RBM19: variants seen among roughly 807,000 people sequenced by gnomAD.
RBM19 encodes RNA binding motif protein 19.
In RBM19, 94 loss-of-function variants were observed where a neutral mutation model predicts 116.8. The ratio of observed to expected loss-of-function variants is 0.80; its 90% CI spans 0.68 to 0.95. The LOEUF is 0.95. Ranked by LOEUF, RBM19 falls within the 40% of genes least tolerant of loss-of-function variation. The pLI is 0.00. For synonymous variants in RBM19, 475 were observed against 494.1 expected (o/e 0.96, Z 0.51); for missense variants, 1,161 against 1,220.7 (o/e 0.95, Z 0.73).
rs115806853 is a variant in RBM19 at position 113,864,623 on chromosome 12, A to G, written c.2559-5727T>C. Among the ~76,000 whole-genome samples, 714 of 152,372 alleles carry G rather than the reference A, an allele frequency of 4.7e-3. 3 individuals are homozygous for G. The highest frequency in any genetic ancestry group is 0.016 in the African/African-American group (649 of 41,596). Reference sequence around the variant, plus strand: ...GTGGCCAAGGGCCCCAGTTGTGGCAAGTTGGAGAGATAGACCAACTGCACA... The same window carrying G: ...GTGGCCAAGGGCCCCAGTTGTGGCAGGTTGGAGAGATAGACCAACTGCACA... On this transcript the variant is annotated intron_variant, in intron 21 of 23. Coordinates refer to ENST00000261741, the MANE Select transcript of RBM19 (RefSeq NM_016196.4).
chr12:113,914,564 G>A (rs1441582560), intron 21 of RBM19, among the ~76,000 whole-genome samples: 4 of 152,244 alleles, frequency 2.6e-5, no homozygotes, highest in African/African-American at 9.6e-5. Context: ...ATTGCCAGGT[G>A]GCTGGAATGT....
rs1417772064 is a variant in RBM19, at chr12:113,915,009, G to A, written c.2518C>T (p.Pro840Ser). 1.2e-6 allele frequency: 2 copies of A among 1,614,206 alleles called. No homozygotes were observed. The highest frequency in any genetic ancestry group is 1.7e-6 in the Non-Finnish European group (2 of 1,180,030). Residue 840 changes from proline (P) to serine (S), a missense_variant, in exon 21 of 24, where the codon CCC becomes TCC. Transcript: ENST00000261741. Reference protein sequence around the residue: ...TTSKILVRNIPFQAHSREIRE... With the variant: ...TTSKILVRNISFQAHSREIRE... ...ATCTCCCGGCTGTGGGCCTGGAAGG[G>A]GATGTTCCGCACCAGGATCTTGGAG...
chr12:113,878,632 G>GACACACACACAC (rs55868508), intron 21 of RBM19, among the ~76,000 whole-genome samples: 119 of 137,898 alleles, frequency 8.6e-4, no homozygotes, highest in East Asian at 3.4e-3. Context: ...CATTCTCCCT[G>GACACACACACAC]ACACACACAC....
At chr12:113,895,006 C>G (rs1259840289) in intron 21 of RBM19, among the ~76,000 whole-genome samples, 1 of 152,244 alleles carries the variant, frequency 6.6e-6, no homozygotes, top group Non-Finnish European at 1.5e-5. Flanking sequence ...ATGAGAACCA[C>G]TTAGGCCAGC....
intron 21 of RBM19, among the ~76,000 whole-genome samples, chr12:113,886,469 G>A (rs982320148): frequency 1.6e-4 from 24 of 152,086 alleles, no homozygotes; most frequent in African/African-American, 5.6e-4. Flanking sequence ...ACCCAGGCCC[G>A]TTAAGATAGA....
intron 12 of RBM19, 98 bp downstream of exon 12, chr12:113,946,256 C>T (rs981713022): frequency 1.3e-6 from 2 of 1,535,342 alleles, no homozygotes; most frequent in East Asian, 2.3e-5. Flanking sequence ...TGAACTAAAC[C>T]CATCAGGAGT....
intron 8 of RBM19, 115 bp downstream of exon 8, chr12:113,952,397 A>G: frequency 1.1e-6 from 1 of 918,454 alleles, no homozygotes; most frequent in Non-Finnish European, 1.7e-6. Context: ...ACAACTGAGG[A>G]CCACAAACAG....
intron 7 of RBM19, among the ~76,000 whole-genome samples, chr12:113,953,004 T>C (rs1031660486): frequency 6.6e-6 from 1 of 152,238 alleles, no homozygotes; most frequent in African/African-American, 2.4e-5. Flanking sequence ...CATGTGATTT[T>C]CTGAATGGTT....
intron 21 of RBM19, among the ~76,000 whole-genome samples, chr12:113,864,613 A>G (rs1180753267): frequency 6.6e-6 from 1 of 152,232 alleles, no homozygotes; most frequent in Non-Finnish European, 1.5e-5. Context: ...CAAGGGCCCC[A>G]GTTGTGGCAA....
intron 21 of RBM19, among the ~76,000 whole-genome samples, chr12:113,859,445 A>G (rs1014584948): frequency 9.9e-5 from 15 of 152,134 alleles, no homozygotes; most frequent in African/African-American, 4.8e-5. Flanking sequence ...TCAGCGCTCA[A>G]ATGATACGCA....
intron 6 of RBM19, among the ~76,000 whole-genome samples, chr12:113,956,288 T>C (rs144073459): frequency 6.6e-6 from 1 of 152,096 alleles, no homozygotes; most frequent in African/African-American, 2.4e-5. Context: ...CATTTGAAAA[T>C]ACAGGGCTGG....
chr12:113,832,507 A>G (rs1015898945), intron 23 of RBM19, among the ~76,000 whole-genome samples: 4 of 152,162 alleles, frequency 2.6e-5, no homozygotes, highest in Non-Finnish European at 5.9e-5. Flanking sequence ...GATCATTTCA[A>G]AGAGGTCAGG....
intron 21 of RBM19, among the ~76,000 whole-genome samples, chr12:113,869,994 C>T (rs1365552010): frequency 3.9e-5 from 6 of 152,196 alleles, no homozygotes; most frequent in African/African-American, 1.4e-4. Context: ...TCCACGTCAA[C>T]ACCAAATCTA....
downstream of RBM19, chr12:113,821,978 T>C (rs1874447541): frequency 6.6e-6 from 1 of 152,218 alleles, no homozygotes; most frequent in Admixed American, 6.5e-5. Context: ...CCATGTTTTA[T>C]GCACAGAGTC....
chr12:113,848,567 A>G (rs996117967), intron 22 of RBM19, among the ~76,000 whole-genome samples: 1 of 152,156 alleles, frequency 6.6e-6, no homozygotes, highest in Admixed American at 6.5e-5. Flanking sequence ...AGGAGGAGGA[A>G]GATGCAGGCC....
At chr12:113,896,375 G>C (rs573291207) in intron 21 of RBM19, among the ~76,000 whole-genome samples, 9 of 152,302 alleles carry the variant, frequency 5.9e-5, no homozygotes, top group African/African-American at 1.9e-4. Context: ...TTCTGGGCTC[G>C]GGGGCATGTC....
rs1429903998 is a variant in RBM19 at position 113,898,258 on chromosome 12, TTTTA to T, written c.2558+16707_2558+16710del. Among the ~76,000 whole-genome samples, 18 of 152,164 alleles carry T rather than the reference TTTTA, an allele frequency of 1.2e-4. No homozygotes were observed. The highest frequency in any genetic ancestry group is 3.4e-4 in the African/African-American group (14 of 41,418). On this transcript the variant is annotated intron_variant, in intron 21 of 23. Coordinates refer to ENST00000261741, the MANE Select transcript of RBM19 (RefSeq NM_016196.4). The surrounding 1 kb of genome is among the most constrained non-coding windows in gnomAD (Gnocchi z 4.3). ...GTAGGACAATTTCAGGTTTTTCTGT[TTTTA>T]TTTAGACAGTCTAATTTTTAATACG...
intron 21 of RBM19, among the ~76,000 whole-genome samples, chr12:113,905,629 G>C (rs976178246): frequency 1.3e-5 from 2 of 152,102 alleles, no homozygotes; most frequent in African/African-American, 2.4e-5. Flanking sequence ...AAGAGCCTCT[G>C]TTCATCAAAG....
intron 18 of RBM19, among the ~76,000 whole-genome samples, chr12:113,923,038 G>A (rs1868730630): frequency 6.6e-6 from 1 of 152,204 alleles, no homozygotes; most frequent in Non-Finnish European, 1.5e-5. Context: ...GGAGGCTGAG[G>A]CACAAGAATC....
Sources: gnomAD v4.1 joint callset for allele counts (sites outside exome capture counted in the v4.1 genomes callset) on GRCh38, gnomAD v4.1.1 for gene constraint, Gnocchi (gnomAD v3.1) non-coding constraint, MANE v1.5 for transcripts, NCBI Gene and HGNC (gene_info 2026-07-23, HGNC 2026-07-21) for gene names.